Variants in SMYD3 observed in about 807,000 individuals in gnomAD.
SMYD3 encodes SET and MYND domain containing 3.
Under a neutral mutation model 57.7 loss-of-function variants are expected in SMYD3, and 36 were observed. The observed-to-expected ratio is 0.62, with a 90% CI of 0.48 to 0.82. The LOEUF is 0.82. Ranked by LOEUF, SMYD3 falls within the 40% of genes least tolerant of loss-of-function variation. The probability of loss-of-function intolerance (pLI) is 0.00; values close to 1 mark genes in which losing one functional copy is unlikely to be tolerated. For synonymous variants in SMYD3, 211 were observed against 195.0 expected, an observed-to-expected ratio of 1.08 and a Z score of -0.68; for missense variants, 515 against 538.8, an observed-to-expected ratio of 0.96 and a Z score of 0.44.
At chr1:246,120,397 C>G (rs2061407222) in intron 5 of SMYD3, among the ~76,000 whole-genome samples, 1 of 152,074 alleles carries the variant, frequency 6.6e-6, no homozygotes, top group Non-Finnish European at 1.5e-5. Context: ...CTCTACTGAC[C>G]TACTAAATTC....
At chr1:245,811,169 T>A (rs2048451853) in intron 10 of SMYD3, among the ~76,000 whole-genome samples, 1 of 152,188 alleles carries the variant, frequency 6.6e-6, no homozygotes, top group South Asian at 2.1e-4. Context: ...CCCAGGGTGA[T>A]GCAAATGAAC....
chr1:245,812,008 T>C (rs1166422981), intron 10 of SMYD3, among the ~76,000 whole-genome samples: 1 of 152,202 alleles, frequency 6.6e-6, no homozygotes, highest in South Asian at 2.1e-4. Context: ...TTTGCTTAGA[T>C]TGTTTCAAAA....
chr1:246,034,154 A>C (rs1273537417), intron 5 of SMYD3, among the ~76,000 whole-genome samples: 2 of 152,242 alleles, frequency 1.3e-5, no homozygotes, highest in Non-Finnish European at 2.9e-5. Context: ...AGTTGTACAT[A>C]GACAGAATGC....
chr1:245,829,488 G>C (rs1365339060), intron 10 of SMYD3, among the ~76,000 whole-genome samples: 1 of 152,022 alleles, frequency 6.6e-6, no homozygotes, highest in Non-Finnish European at 1.5e-5. Context: ...AATAACAAGT[G>C]GTAGCAAAGA....
At chr1:246,160,545 G>T (rs1176072769) in intron 5 of SMYD3, among the ~76,000 whole-genome samples, 2 of 152,198 alleles carry the variant, frequency 1.3e-5, no homozygotes, top group African/African-American at 4.8e-5. Flanking sequence ...AGAGCCGAAG[G>T]ATGTTTGAGA....
At chr1:246,331,170 C>T (rs973808189) in intron 3 of SMYD3, among the ~76,000 whole-genome samples, 13 of 151,958 alleles carry the variant, frequency 8.6e-5, no homozygotes, top group African/African-American at 3.1e-4. Flanking sequence ...AATCGGGAGC[C>T]TACAATAATT....
chr1:245,769,756 C>T (rs951030508), intron 10 of SMYD3, among the ~76,000 whole-genome samples: 2 of 152,170 alleles, frequency 1.3e-5, no homozygotes, highest in Admixed American at 6.5e-5. Flanking sequence ...GACCTAATAT[C>T]TGAGATTTCA....
intron 5 of SMYD3, among the ~76,000 whole-genome samples, chr1:245,998,815 G>A (rs980964054): frequency 3.9e-5 from 6 of 152,194 alleles, no homozygotes; most frequent in South Asian, 2.1e-4. Flanking sequence ...ATATTTTGCC[G>A]TAAAAAGGAA....
intron 10 of SMYD3, among the ~76,000 whole-genome samples, chr1:245,797,237 T>C (rs2047562099): frequency 1.3e-5 from 2 of 152,168 alleles, no homozygotes; most frequent in Non-Finnish European, 2.9e-5. Flanking sequence ...CGTATGTTTA[T>C]TGCAGCAGTA....
chr1:246,003,751 T>C (rs945581967), intron 5 of SMYD3, among the ~76,000 whole-genome samples: 4 of 152,246 alleles, frequency 2.6e-5, no homozygotes, highest in Non-Finnish European at 5.9e-5. Context: ...TAATATGTAA[T>C]ATAAATATCT....
chr1:246,494,667 T>C (rs892537029), intron 1 of SMYD3, among the ~76,000 whole-genome samples: 45 of 152,336 alleles, frequency 3.0e-4, no homozygotes, highest in African/African-American at 9.1e-4. Flanking sequence ...AACATAAATC[T>C]TTCCAATTAA....
intron 5 of SMYD3, among the ~76,000 whole-genome samples, chr1:245,988,870 C>T (rs993120914): frequency 6.6e-6 from 1 of 152,254 alleles, no homozygotes; most frequent in Non-Finnish European, 1.5e-5. Flanking sequence ...GAATGTATGA[C>T]ACATCAGCCT....
At chr1:246,158,761 A>G (rs2062065951) in intron 5 of SMYD3, among the ~76,000 whole-genome samples, 1 of 152,164 alleles carries the variant, frequency 6.6e-6, no homozygotes, top group Non-Finnish European at 1.5e-5. Flanking sequence ...CCTCTCCTTG[A>G]CAAACTACTG....
intron 5 of SMYD3, among the ~76,000 whole-genome samples, chr1:246,047,262 G>C (rs1453894572): frequency 1.3e-5 from 2 of 152,100 alleles, no homozygotes; most frequent in African/African-American, 2.4e-5. Context: ...TACAAACCAT[G>C]GGGAAAAAGA....
intron 1 of SMYD3, among the ~76,000 whole-genome samples, chr1:246,446,157 AG>A (rs2067549063): frequency 6.6e-6 from 1 of 152,228 alleles, no homozygotes; most frequent in African/African-American, 2.4e-5. Flanking sequence ...AATAGTGAAG[AG>A]GATACTGCAT....
intron 1 of SMYD3, among the ~76,000 whole-genome samples, chr1:246,442,137 G>A (rs1572504837): frequency 6.6e-6 from 1 of 152,224 alleles, no homozygotes; most frequent in East Asian, 1.9e-4. Context: ...GGAGCACCAT[G>A]GAGGTGTTAC....
chr1:246,262,681 C>CCT (rs2064033342), intron 5 of SMYD3, among the ~76,000 whole-genome samples: 1 of 152,092 alleles, frequency 6.6e-6, no homozygotes, highest in Non-Finnish European at 1.5e-5. Flanking sequence ...ACACCTAGCA[C>CCT]AGTACCTAGG....
intron 10 of SMYD3, among the ~76,000 whole-genome samples, chr1:245,770,408 G>A (rs1040748315): frequency 4.6e-5 from 7 of 152,134 alleles, no homozygotes; most frequent in African/African-American, 1.7e-4. Context: ...GACCACCAAA[G>A]GACTACAATC....
intron 2 of SMYD3, among the ~76,000 whole-genome samples, chr1:246,352,090 CGG>C (rs1558418276): frequency 3.0e-5 from 4 of 135,536 alleles, no homozygotes. Context: ...GGAGCTGAGA[CGG>C]CACCACTGCA....
Sources: gnomAD v4.1 joint callset for allele counts (sites outside exome capture counted in the v4.1 genomes callset) on GRCh38, gnomAD v4.1.1 for gene constraint, MANE v1.5 for transcripts, NCBI Gene and HGNC (gene_info 2026-07-23, HGNC 2026-07-21) for gene names.